CCDC60: variants seen among roughly 807,000 people sequenced by gnomAD.
CCDC60 encodes coiled-coil domain-containing protein 60.
CCDC60 carries 54 observed loss-of-function variants against 63.5 expected under a neutral mutation model. The observed-to-expected ratio is 0.85, with a 90% confidence interval of 0.68 to 1.07. The LOEUF (loss-of-function observed/expected upper bound fraction) is 1.07. Ranked by LOEUF, CCDC60 falls within the 50% of genes least tolerant of loss-of-function variation. The pLI is 0.00. For missense variants in CCDC60, 651 were observed against 684.3 expected, an observed-to-expected ratio of 0.95 and a Z score of 0.54; for synonymous variants, 206 against 238.8, an observed-to-expected ratio of 0.86 and a Z score of 1.27.
chr12:119,480,295 C>T (rs1951274635), intron 4 of CCDC60, among the ~76,000 whole-genome samples: 1 of 152,164 alleles, frequency 6.6e-6, no homozygotes, highest in African/African-American at 2.4e-5. Flanking sequence ...ATAAACTCAC[C>T]TATTCAGGGT....
intron 1 of CCDC60, among the ~76,000 whole-genome samples, chr12:119,360,267 A>T (rs1293109830): frequency 1.4e-5 from 2 of 147,156 alleles, no homozygotes; most frequent in Admixed American, 6.7e-5. Context: ...CACCTCCCGG[A>T]CGGGGCGGCT....
chr12:119,357,588 G>A (rs955032031), intron 1 of CCDC60, among the ~76,000 whole-genome samples: 1 of 152,016 alleles, frequency 6.6e-6, no homozygotes, highest in African/African-American at 2.4e-5. Context: ...CCAAGTAGCT[G>A]GGATTACAGG....
chr12:119,527,666 C>CTTTTTTTTTTTTTTTTTT (rs869099213), intron 11 of CCDC60, among the ~76,000 whole-genome samples: 81 of 84,980 alleles, frequency 9.5e-4, no homozygotes, highest in Non-Finnish European at 1.1e-3. Flanking sequence ...TTCTTTCTTT[C>CTTTTTTTTTTTTTTTTTT]TTTTTTTTTT....
intron 1 of CCDC60, among the ~76,000 whole-genome samples, chr12:119,384,104 G>A (rs1163636640): frequency 6.6e-6 from 1 of 152,114 alleles, no homozygotes; most frequent in Non-Finnish European, 1.5e-5. Context: ...GCTGAGGCAG[G>A]AGAATGGTTG....
intron 1 of CCDC60, among the ~76,000 whole-genome samples, chr12:119,426,612 A>G (rs573761699): frequency 3.3e-5 from 5 of 150,686 alleles, no homozygotes; most frequent in South Asian, 4.2e-4. Flanking sequence ...TCCCGCCTCA[A>G]CCTCCCAAAA....
chr12:119,355,991 C>A (rs1955713579), intron 1 of CCDC60, among the ~76,000 whole-genome samples: 1 of 152,164 alleles, frequency 6.6e-6, no homozygotes, highest in Non-Finnish European at 1.5e-5. Context: ...CCTCCTCAGT[C>A]AAGTCCTGCC....
rs1224088473 is a variant in CCDC60 at position 119,456,060 on chromosome 12, A to AAAGAAAGAAAGCAAGCAAGC, written c.171-15931_171-15930insAAAGAAAGCAAGCAAGCAAG. Reference sequence around the variant, plus strand: ...GAAAGAAAGAAAGAAAGAAAGAAAGAAAGCAAGCAAGCATGTGCAATTTCA... The same window carrying AAAGAAAGAAAGCAAGCAAGC: ...GAAAGAAAGAAAGAAAGAAAGAAAGAAAGAAAGAAAGCAAGCAAGCAAGCAAGCAAGCATGTGCAATTTCA... On this transcript the variant is annotated intron_variant, in intron 2 of 13. Transcript: ENST00000327554. This position sits in a 1 kb window ranked among gnomAD's most constrained non-coding sequence, Gnocchi z 4.6. Among the ~76,000 whole-genome samples the AAAGAAAGAAAGCAAGCAAGC allele has an allele frequency of 5.9e-5, 7 of 118,860 alleles. No homozygotes were observed. Among genetic ancestry groups the AAAGAAAGAAAGCAAGCAAGC allele is most frequent in the East Asian group, 2.7e-4 (1 of 3,652 alleles). 78.0% of individuals were successfully genotyped at this position (118,860 alleles called of 152,430 possible).
chr12:119,495,603 C>T lies in CCDC60; in HGVS notation c.558-4475C>T, dbSNP rs542323008. 6.6e-5 allele frequency among the ~76,000 whole-genome samples: 10 copies of T among 152,284 alleles called. 1 individual carries two copies. In the South Asian group the frequency reaches 1.7e-3, roughly 25 times the overall value. On this transcript the variant is annotated intron_variant, in intron 5 of 13. Transcript: ENST00000327554. Reference sequence around the variant, plus strand: ...AGTTTTTGCTTCCATGAAATACTGTCGCAATCGTTCTGAGCAGCACTCATA... The same window carrying T: ...AGTTTTTGCTTCCATGAAATACTGTTGCAATCGTTCTGAGCAGCACTCATA...
chr12:119,534,954 C>G (rs1423253226), intron 13 of CCDC60, among the ~76,000 whole-genome samples: 2 of 152,314 alleles, frequency 1.3e-5, no homozygotes, highest in East Asian at 3.9e-4. Flanking sequence ...GGAGGATTCC[C>G]TCTTTTTCTA....
At chr12:119,341,318 T>C (rs1283195552) in intron 1 of CCDC60, among the ~76,000 whole-genome samples, 1 of 151,172 alleles carries the variant, frequency 6.6e-6, no homozygotes, top group African/African-American at 2.4e-5. Context: ...ATTTGTCCCA[T>C]CTGCAAGGAG....
At chr12:119,439,040 C>T (rs1360420860) in intron 2 of CCDC60, among the ~76,000 whole-genome samples, 1 of 151,346 alleles carries the variant, frequency 6.6e-6, no homozygotes, top group Non-Finnish European at 1.5e-5. Flanking sequence ...CTTCTGCTCT[C>T]CAGGCTTCCA....
chr12:119,440,712 G>C (rs950232512), intron 2 of CCDC60, among the ~76,000 whole-genome samples: 1 of 152,072 alleles, frequency 6.6e-6, no homozygotes, highest in Non-Finnish European at 1.5e-5. Context: ...AATACAGAGT[G>C]GGGCAGAAGG....
At chr12:119,409,749 A>G (rs531268654) in intron 1 of CCDC60, among the ~76,000 whole-genome samples, 1 of 151,818 alleles carries the variant, frequency 6.6e-6, no homozygotes, top group African/African-American at 2.4e-5. Flanking sequence ...CCCGTGTGTC[A>G]GTCTTTGGCC....
At chr12:119,534,284 G>A (rs1237169300) in intron 13 of CCDC60, among the ~76,000 whole-genome samples, 8 of 152,194 alleles carry the variant, frequency 5.3e-5, no homozygotes, top group Admixed American at 5.2e-4. Flanking sequence ...AGACTTTGCT[G>A]AAGTTGCTTA....
intron 13 of CCDC60, among the ~76,000 whole-genome samples, chr12:119,531,475 A>T: frequency 6.6e-6 from 1 of 152,212 alleles, no homozygotes; most frequent in East Asian, 1.9e-4. Context: ...TGCACAATAC[A>T]GTTTGAGAAG....
intron 1 of CCDC60, among the ~76,000 whole-genome samples, chr12:119,368,057 G>A (rs1955859495): frequency 7.6e-6 from 1 of 131,810 alleles, no homozygotes; most frequent in South Asian, 2.6e-4. Context: ...TTTTTCTGAA[G>A]AAAAAAAGAA....
At chr12:119,478,652 G>T (rs1018871050) in intron 3 of CCDC60, among the ~76,000 whole-genome samples, 1 of 141,770 alleles carries the variant, frequency 7.1e-6, no homozygotes, top group East Asian at 2.1e-4. Flanking sequence ...CTGTCACCCA[G>T]GCTGGAGTGC....
Position 119,381,884 on chromosome 12 carries a change from C to T in CCDC60, c.90+46618C>T, listed in dbSNP as rs1593005014. 2.0e-5 allele frequency among the ~76,000 whole-genome samples: 3 copies of T among 152,324 alleles called. No homozygotes were observed. In the South Asian group the frequency reaches 6.2e-4, roughly 32 times the overall value. On this transcript the variant is annotated intron_variant, in intron 1 of 13. Coordinates refer to ENST00000327554, the MANE Select transcript of CCDC60 (RefSeq NM_178499.5). ...TGAAGCAGGTGACATGGGGAGGTGC[C>T]TGTGCTACAACCAGAGACCCTTTAA...
At chr12:119,386,787 C>T (rs1021506329) in intron 1 of CCDC60, among the ~76,000 whole-genome samples, 1 of 152,130 alleles carries the variant, frequency 6.6e-6, no homozygotes, top group African/African-American at 2.4e-5. Flanking sequence ...AAGGCAATTA[C>T]GAAACAGTCC....
Sources: gnomAD v4.1 joint callset for allele counts (sites outside exome capture counted in the v4.1 genomes callset) on GRCh38, gnomAD v4.1.1 for gene constraint, Gnocchi (gnomAD v3.1) non-coding constraint, MANE v1.5 for transcripts, NCBI Gene and HGNC (gene_info 2026-07-23, HGNC 2026-07-21) for gene names.